The following CNTN1 variants were observed in gnomAD, a reference collection of about 807,000 sequenced individuals.
CNTN1 encodes contactin 1, also known as contactin-1.
CNTN1 carries 38 observed loss-of-function variants against 126.4 expected under a neutral mutation model. That is an observed-to-expected ratio of 0.30 (90% CI 0.23 to 0.39). The LOEUF (loss-of-function observed/expected upper bound fraction) is 0.39. Ranked by LOEUF, CNTN1 falls within the 10% of genes least tolerant of loss-of-function variation. The pLI, the probability that CNTN1 is intolerant of heterozygous loss-of-function variation, is 1.00. For synonymous variants in CNTN1, 413 were observed against 422.6 expected (o/e 0.98, Z 0.28); for missense variants, 1,009 against 1,248.4 (o/e 0.81, Z 2.89).
At chr12:41,050,071 T>C (rs1047377182) in intron 23 of CNTN1, among the ~76,000 whole-genome samples, 2 of 152,178 alleles carry the variant, frequency 1.3e-5, no homozygotes, top group African/African-American at 4.8e-5. Flanking sequence ...AGCTAATTTT[T>C]GTACTTTTAG....
rs139844899 is a variant in CNTN1, at chr12:40,834,086, T to C, written c.-76-74271T>C. Among the ~76,000 whole-genome samples, 807 of 152,318 alleles carry C rather than the reference T, an allele frequency of 5.3e-3. 5 individuals are homozygous for C. The highest frequency in any genetic ancestry group is 0.018 in the African/African-American group (760 of 41,560). On this transcript the variant is annotated intron_variant, in intron 1 of 23. Coordinates refer to ENST00000551295, the MANE Select transcript of CNTN1 (RefSeq NM_001843.4). ...TTGTTAATCAGTGAATGCAAAACTT[T>C]AGAACAATGAACCAAATGCAATTAA... is the stretch of plus-strand genomic sequence containing the variant.
At chr12:41,061,468 G>A (rs1283923469) in intron 23 of CNTN1, among the ~76,000 whole-genome samples, 1 of 152,060 alleles carries the variant, frequency 6.6e-6, no homozygotes, top group Non-Finnish European at 1.5e-5. Flanking sequence ...CTTGGCATGT[G>A]GGTTTGGGTT....
chr12:40,914,768 A>AAT (rs1945170327), intron 3 of CNTN1, among the ~76,000 whole-genome samples: 2 of 152,266 alleles, frequency 1.3e-5, no homozygotes, highest in South Asian at 4.1e-4. Context: ...AGTATTGGGA[A>AAT]ATATATACAT....
At chr12:41,023,274 G>T (rs1948966121) in intron 20 of CNTN1, among the ~76,000 whole-genome samples, 1 of 152,132 alleles carries the variant, frequency 6.6e-6, no homozygotes, top group South Asian at 2.1e-4. Context: ...CCATCTCAAG[G>T]TTCATTTCCT....
chr12:40,816,321 T>C (rs1361445225), intron 1 of CNTN1, among the ~76,000 whole-genome samples: 2 of 152,218 alleles, frequency 1.3e-5, no homozygotes, highest in Non-Finnish European at 2.9e-5. Context: ...ACTGCCTCAA[T>C]TTCAGAGCTT....
chr12:41,053,075 C>A (rs1949722117), intron 23 of CNTN1, among the ~76,000 whole-genome samples: 1 of 151,108 alleles, frequency 6.6e-6, no homozygotes, highest in Admixed American at 6.6e-5. Context: ...ATAATCCAAG[C>A]AGAAGTCTAA....
chr12:40,792,155 C>G (rs1166458747), intron 1 of CNTN1, among the ~76,000 whole-genome samples: 2 of 151,966 alleles, frequency 1.3e-5, no homozygotes, highest in African/African-American at 4.8e-5. Flanking sequence ...GGGCTGGAGT[C>G]CTCAGAGGAT....
At chr12:40,871,393 A>C (rs1296018890) in intron 1 of CNTN1, among the ~76,000 whole-genome samples, 1 of 152,086 alleles carries the variant, frequency 6.6e-6, no homozygotes, top group Non-Finnish European at 1.5e-5. Context: ...TTAAAAGATC[A>C]TTCTAAGCAA....
intron 1 of CNTN1, among the ~76,000 whole-genome samples, chr12:40,760,354 T>A (rs974191289): frequency 6.6e-6 from 1 of 152,176 alleles, no homozygotes; most frequent in Non-Finnish European, 1.5e-5. Flanking sequence ...ATCAAAATTA[T>A]ATCACAAATT....
chr12:40,997,480 A>G (rs1025882207), intron 17 of CNTN1, among the ~76,000 whole-genome samples: 1 of 152,142 alleles, frequency 6.6e-6, no homozygotes, highest in East Asian at 1.9e-4. Context: ...TTTTTCACAC[A>G]TATTTGATAA....
chr12:41,064,152 C>A (rs1244396416), intron 23 of CNTN1, among the ~76,000 whole-genome samples: 2 of 140,794 alleles, frequency 1.4e-5, no homozygotes, highest in African/African-American at 2.7e-5. Flanking sequence ...GCAGCCTGGG[C>A]GACTGAGTGA....
chr12:40,803,403 GC>G (rs1342097098), intron 1 of CNTN1, among the ~76,000 whole-genome samples: 2 of 151,904 alleles, frequency 1.3e-5, no homozygotes, highest in Non-Finnish European at 2.9e-5. Flanking sequence ...TTCCACCCAA[GC>G]TTTACCATGA....
rs1220998615 is a variant in CNTN1, at chr12:40,757,557, A to G, written c.-77+64965A>G. Among the ~76,000 whole-genome samples, 2 of 152,186 alleles carry G rather than the reference A, an allele frequency of 1.3e-5. 1 individual carries two copies. Among genetic ancestry groups the G allele is most frequent in the Non-Finnish European group, 2.9e-5 (2 of 68,026 alleles). ...TCAGTTATTACTTCAAGCAATTCTC[A>G]CCAGTGTGTTAATGAACTTGAAGTA... On this transcript the variant is annotated intron_variant, in intron 1 of 23. Coordinates refer to ENST00000551295, the MANE Select transcript of CNTN1 (RefSeq NM_001843.4).
At position 40,929,810 on chromosome 12, in the gene CNTN1, C is replaced by T. The variant is rs770683180; in HGVS notation, c.511C>T (p.Arg171Cys). ...PYHFPDDLSYRWLLNEFPVFI... is the reference protein window; with the variant it reads ...PYHFPDDLSYCWLLNEFPVFI... ...TTTTCTCCTAGATGATCTTAGCTATCGCTGGCTTCTAAATGAATTTCCTGT... is the reference window on the plus strand; with the variant it reads ...TTTTCTCCTAGATGATCTTAGCTATTGCTGGCTTCTAAATGAATTTCCTGT... The change falls in exon 7 of 24, where the codon CGC (arginine) becomes TGC (cysteine). Residue 171 changes from arginine to cysteine, a missense_variant. Physicochemically the swap from Arg to Cys is radical, Grantham distance 180. Coordinates refer to ENST00000551295, the MANE Select transcript of CNTN1 (RefSeq NM_001843.4). The T allele has an allele frequency of 2.5e-6, 4 of 1,611,262 alleles. No homozygotes were observed. The highest frequency in any genetic ancestry group is 2.5e-6 in the Non-Finnish European group (3 of 1,178,228).
At chr12:40,784,533 G>C (rs1046283329) in intron 1 of CNTN1, among the ~76,000 whole-genome samples, 2 of 152,136 alleles carry the variant, frequency 1.3e-5, no homozygotes, top group African/African-American at 4.8e-5. Context: ...GTTTTTAAAT[G>C]TTTTGCTGAG....
At chr12:40,979,338 T>G (rs1028988089) in intron 15 of CNTN1, 1 of 152,054 alleles carries the variant, frequency 6.6e-6, no homozygotes, top group African/African-American at 2.4e-5. Flanking sequence ...TTTAAGGAAA[T>G]GGGTGAAGGT....
chr12:40,757,116 C>A (rs1938641888), intron 1 of CNTN1, among the ~76,000 whole-genome samples: 1 of 152,068 alleles, frequency 6.6e-6, no homozygotes, highest in Admixed American at 6.6e-5. Flanking sequence ...CTTGCTGTAA[C>A]CTCATATGGC....
Position 41,016,853 on chromosome 12 carries a change from G to A in CNTN1, c.2356G>A (p.Ala786Thr). ...PSTAFQVKVK[A>T]FNNKGDGPYS... Reference sequence around the variant, plus strand: ...CACTGCATTTCAAGTTAAAGTCAAGGCCTTCAACAACAAAGGAGATGGACC... The same window carrying A: ...CACTGCATTTCAAGTTAAAGTCAAGACCTTCAACAACAAAGGAGATGGACC... Residue 786 changes from alanine to threonine, a missense_variant, in exon 19 of 24, where the codon GCC becomes ACC. By Grantham distance (58) the Ala-to-Thr change is moderately conservative. Coordinates refer to ENST00000551295, the MANE Select transcript of CNTN1 (RefSeq NM_001843.4). The A allele has an allele frequency of 6.2e-7, 1 of 1,614,102 alleles. No individual in the cohort carries two copies. Among genetic ancestry groups the A allele is most frequent in the Non-Finnish European group, 8.5e-7 (1 of 1,180,014 alleles).
rs557465737 is a variant in CNTN1 at position 40,917,768 on chromosome 12, TCTC to T, written c.95-867_95-865del. ...AGTGGTGGCATGTGAATGATTTTCT[TCTC>T]CTCATCCTGCTATGAAGTGTCACTC... On this transcript the variant is annotated intron_variant, in intron 3 of 23. Transcript: ENST00000551295. Among the ~76,000 whole-genome samples, 50 of 152,232 alleles carry T rather than the reference TCTC, an allele frequency of 3.3e-4. No homozygotes were observed. The South Asian group carries it at 9.7e-3, about 30-fold the overall frequency.
Sources: gnomAD v4.1 joint callset for allele counts (sites outside exome capture counted in the v4.1 genomes callset) on GRCh38, gnomAD v4.1.1 for gene constraint, MANE v1.5 for transcripts, NCBI Gene and HGNC (gene_info 2026-07-23, HGNC 2026-07-21) for gene names.